ADAMTS17: variants seen among roughly 807,000 people sequenced by gnomAD.
ADAMTS17 encodes A disintegrin and metalloproteinase with thrombospondin motifs 17.
Under a neutral mutation model 141.5 loss-of-function variants are expected in ADAMTS17, and 113 were observed. The ratio of observed to expected loss-of-function variants is 0.80; its 90% CI spans 0.69 to 0.93. The LOEUF (loss-of-function observed/expected upper bound fraction) is 0.93, where lower values mean the gene tolerates loss of function less well. ADAMTS17 is among the 40% of genes least tolerant of loss of function. The pLI is 0.00. For missense variants in ADAMTS17, 1,659 were observed against 1,517.9 expected (o/e 1.09, Z -1.54); for synonymous variants, 768 against 630.6 (o/e 1.22, Z -3.27).
intron 8 of ADAMTS17, among the ~76,000 whole-genome samples, chr15:100,189,181 C>T (rs2040830021): frequency 6.6e-6 from 1 of 152,256 alleles, no homozygotes; most frequent in Admixed American, 6.5e-5. Context: ...CCTAGGGTGC[C>T]TCTCCACTGT....
chr15:99,975,780 G>T lies in ADAMTS17; in HGVS notation c.3127+265C>A, dbSNP rs6598286. Among the ~76,000 whole-genome samples the T allele has an allele frequency of 0.6, 91,812 of 152,106 alleles. 29,201 individuals carry two copies. The highest frequency in any genetic ancestry group is 0.71 in the Non-Finnish European group (48,430 of 68,014). ...GCACAGGAAACCTACAGTGTCTGTG[G>T]AACATTCTCCTGTGTTGGGCAAAGG... On this transcript the variant is annotated intron_variant, in intron 21 of 21. Coordinates refer to ENST00000268070, the MANE Select transcript of ADAMTS17 (RefSeq NM_139057.4).
intron 4 of ADAMTS17, among the ~76,000 whole-genome samples, chr15:100,277,109 CA>C (rs1276988211): frequency 6.6e-6 from 1 of 152,136 alleles, no homozygotes; most frequent in African/African-American, 2.4e-5. Context: ...GTATAGACGA[CA>C]GAAGGGCTCA....
In ADAMTS17 at chr15:100,263,677, C is replaced by T. The variant is rs552920942; in HGVS notation, c.790-1242G>A. 5.3e-5 allele frequency among the ~76,000 whole-genome samples: 8 copies of T among 152,220 alleles called. No homozygotes were observed. The South Asian group carries it at 8.3e-4, about 16-fold the overall frequency. ...CCATAACGCAGAGAAAACAGGATTG[C>T]GAGAGGTACGCGGAGAGCATAGTAA... On this transcript the variant is annotated intron_variant, in intron 4 of 21. Coordinates refer to ENST00000268070, the MANE Select transcript of ADAMTS17 (RefSeq NM_139057.4).
intron 12 of ADAMTS17, among the ~76,000 whole-genome samples, chr15:100,125,340 G>C (rs2037675018): frequency 6.6e-6 from 1 of 152,256 alleles, no homozygotes; most frequent in African/African-American, 2.4e-5. Context: ...ATGAATGCCA[G>C]ATCGCTGGCA....
chr15:100,193,487 G>A (rs1430641970), intron 8 of ADAMTS17, among the ~76,000 whole-genome samples: 3 of 152,216 alleles, frequency 2.0e-5, no homozygotes, highest in African/African-American at 7.2e-5. Flanking sequence ...GGCGGAAAGA[G>A]ATGGTGGCAG....
intron 14 of ADAMTS17, among the ~76,000 whole-genome samples, chr15:100,104,664 C>A (rs575922378): frequency 6.6e-6 from 1 of 152,292 alleles, no homozygotes; most frequent in Non-Finnish European, 1.5e-5. Context: ...TCTGTGAGTG[C>A]TGTCTCATAT....
intron 15 of ADAMTS17, among the ~76,000 whole-genome samples, chr15:100,093,592 C>A (rs2035593771): frequency 6.6e-6 from 1 of 152,068 alleles, no homozygotes; most frequent in African/African-American, 2.4e-5. Context: ...ATATGTTTCC[C>A]CTTCAGCCTG....
chr15:100,206,352 G>A (rs2041560078), intron 7 of ADAMTS17, among the ~76,000 whole-genome samples: 1 of 152,198 alleles, frequency 6.6e-6, no homozygotes, highest in Non-Finnish European at 1.5e-5. Context: ...GTAGACATGG[G>A]CATGCCCAGG....
chr15:100,200,708 G>A (rs371360125), intron 7 of ADAMTS17, among the ~76,000 whole-genome samples: 9 of 152,302 alleles, frequency 5.9e-5, no homozygotes, highest in South Asian at 4.1e-4. Context: ...GCCATGGGGC[G>A]GATGACGGCT....
chr15:100,187,056 C>A (rs551702227), intron 8 of ADAMTS17, among the ~76,000 whole-genome samples: 7 of 152,258 alleles, frequency 4.6e-5, no homozygotes, highest in African/African-American at 1.7e-4. Flanking sequence ...CCGAGAGAGC[C>A]AGACTCATGT....
chr15:100,334,894 T>G (rs921266585), intron 2 of ADAMTS17, among the ~76,000 whole-genome samples: 1 of 152,178 alleles, frequency 6.6e-6, no homozygotes, highest in South Asian at 2.1e-4. Flanking sequence ...CCCTCTCGTG[T>G]GGTCTTCCTT....
chr15:100,124,779 GGA>G (rs71151939), intron 12 of ADAMTS17, among the ~76,000 whole-genome samples: 52,838 of 151,968 alleles, frequency 0.35, 9,851 homozygotes, highest in Admixed American at 0.44. Context: ...CCGAAAGCGT[GGA>G]GAGAAAGGTG....
At chr15:100,302,589 C>T (rs1472089064) in intron 3 of ADAMTS17, among the ~76,000 whole-genome samples, 1 of 152,176 alleles carries the variant, frequency 6.6e-6, no homozygotes, top group African/African-American at 2.4e-5. Flanking sequence ...ACCATCCAAG[C>T]AGGAGTGAGG....
At chr15:100,041,142 A>G (rs2031215205) in intron 18 of ADAMTS17, among the ~76,000 whole-genome samples, 1 of 152,218 alleles carries the variant, frequency 6.6e-6, no homozygotes, top group Admixed American at 6.5e-5. Flanking sequence ...TTTAACCCCA[A>G]ATAAGGCCAG....
chr15:100,288,952 C>T lies in ADAMTS17; in HGVS notation c.617-7551G>A, dbSNP rs562207956. 1.4e-3 allele frequency among the ~76,000 whole-genome samples: 212 copies of T among 152,116 alleles called. 1 individual carries two copies. Among genetic ancestry groups the T allele is most frequent in the African/African-American group, 5.0e-3 (207 of 41,508 alleles). On this transcript the variant is annotated intron_variant, in intron 3 of 21. Transcript: ENST00000268070. ...ATCACACCTTGAGGAACTAGAAAAA[C>T]AAGAGTAAACCAACCTCAATGCTAG...
chr15:100,065,988 T>C (rs2033493503), intron 15 of ADAMTS17, among the ~76,000 whole-genome samples: 1 of 152,196 alleles, frequency 6.6e-6, no homozygotes, highest in Admixed American at 6.5e-5. Flanking sequence ...TGGTTTTCTG[T>C]TTTTGTGTTA....
chr15:99,976,393 A>C (rs922392880), intron 20 of ADAMTS17, 171 bp from the exon 21 acceptor site: 1 of 857,744 alleles, frequency 1.2e-6, no homozygotes, highest in Non-Finnish European at 1.9e-6. Context: ...GGACAGCCTG[A>C]GTGGGGCCTA....
Position 99,993,008 on chromosome 15 carries a change from C to A in ADAMTS17, c.2949+40G>T. ...GAGTTCCCGACCCTCGAGCCCCCTG[C>A]ACTGCGGCACGGAGAGAAATGCCAG... On this transcript the variant is annotated intron_variant, in intron 20 of 21. Transcript: ENST00000268070. This position sits in a 1 kb window ranked among gnomAD's most constrained non-coding sequence, Gnocchi z 4.3. 2 of 1,613,416 alleles carry A rather than the reference C, an allele frequency of 1.2e-6. No individual in the cohort carries two copies. Among genetic ancestry groups the A allele is most frequent in the Non-Finnish European group, 1.7e-6 (2 of 1,179,928 alleles).
intron 7 of ADAMTS17, among the ~76,000 whole-genome samples, chr15:100,249,473 T>C (rs976256718): frequency 5.9e-5 from 9 of 152,044 alleles, no homozygotes; most frequent in Non-Finnish European, 2.9e-5. Context: ...CCAGTGCAGG[T>C]GGGGTGGGGA....
Sources: allele counts gnomAD v4.1 joint callset (sites outside exome capture counted in the v4.1 genomes callset), GRCh38; gene constraint gnomAD v4.1.1; non-coding constraint Gnocchi (gnomAD v3.1); transcripts MANE v1.5; gene names NCBI Gene and HGNC (gene_info 2026-07-23, HGNC 2026-07-21).